The following DCC variants were observed in gnomAD, a reference collection of about 807,000 sequenced individuals.
DCC encodes DCC netrin 1 receptor.
A neutral mutation model predicts 172.5 loss-of-function variants in DCC; 58 were observed. The observed-to-expected ratio is 0.34, with a 90% CI of 0.27 to 0.42. The LOEUF is 0.42. Among genes scored for constraint, DCC ranks in the 10% least tolerant of loss-of-function variants. The probability of loss-of-function intolerance (pLI) is 1.00; values close to 1 mark genes in which losing one functional copy is unlikely to be tolerated. For missense variants in DCC, 1,740 were observed against 1,791.0 expected, an observed-to-expected ratio of 0.97 and a Z score of 0.51; for synonymous variants, 709 against 644.5, an observed-to-expected ratio of 1.10 and a Z score of -1.52.
intron 5 of DCC, among the ~76,000 whole-genome samples, chr18:52,936,489 G>T (rs2040383441): frequency 1.6e-5 from 2 of 121,502 alleles, no homozygotes; most frequent in South Asian, 4.6e-4. Flanking sequence ...AATAATGTGA[G>T]CATTGCTTTG....
intron 22 of DCC, among the ~76,000 whole-genome samples, chr18:53,444,853 T>A (rs1912501865): frequency 6.6e-6 from 1 of 152,214 alleles, no homozygotes; most frequent in Non-Finnish European, 1.5e-5. Flanking sequence ...TCATGATTTG[T>A]TGAACATCTA....
chr18:52,816,762 A>G (rs2038307093), intron 2 of DCC: 1 of 152,058 alleles, frequency 6.6e-6, no homozygotes, highest in African/African-American at 2.4e-5. Flanking sequence ...CCCCAAACTC[A>G]CTTATATTTC....
chr18:53,288,603 A>G (rs578241816), intron 12 of DCC, among the ~76,000 whole-genome samples: 2 of 152,262 alleles, frequency 1.3e-5, no homozygotes, highest in South Asian at 4.1e-4. Context: ...GCCCTAATGC[A>G]ATCAGTAATT....
At chr18:52,444,120 G>C (rs1988051678) in intron 1 of DCC, among the ~76,000 whole-genome samples, 1 of 152,206 alleles carries the variant, frequency 6.6e-6, no homozygotes, top group South Asian at 2.1e-4. Flanking sequence ...GGTAGGTGCT[G>C]GCTGCAGCCT....
chr18:52,421,053 C>G (rs1987230089), intron 1 of DCC, among the ~76,000 whole-genome samples: 1 of 152,108 alleles, frequency 6.6e-6, no homozygotes, highest in African/African-American at 2.4e-5. Flanking sequence ...AATAATGATT[C>G]TCTTCAGTGC....
intron 1 of DCC, among the ~76,000 whole-genome samples, chr18:52,575,598 A>T (rs780823711): frequency 6.6e-6 from 1 of 152,056 alleles, no homozygotes; most frequent in Non-Finnish European, 1.5e-5. Flanking sequence ...TTAGTTTCTT[A>T]GTTGTTTTTT....
intron 1 of DCC, among the ~76,000 whole-genome samples, chr18:52,604,824 G>A (rs1455575728): frequency 1.3e-5 from 2 of 151,962 alleles, no homozygotes; most frequent in African/African-American, 4.8e-5. Flanking sequence ...CTTGTGATAT[G>A]ATCTACACAG....
At chr18:53,169,497 T>G (rs543394014) in intron 8 of DCC, among the ~76,000 whole-genome samples, 21 of 152,298 alleles carry the variant, frequency 1.4e-4, no homozygotes, top group Non-Finnish European at 3.1e-4. Context: ...TTGATTCCTT[T>G]ACTTCAATCG....
At chr18:53,477,895 G>A (rs553081354) in intron 25 of DCC, among the ~76,000 whole-genome samples, 1 of 152,320 alleles carries the variant, frequency 6.6e-6, no homozygotes, top group Admixed American at 6.5e-5. Flanking sequence ...CCCCAGCCTA[G>A]TTACCCTTAC....
intron 2 of DCC, among the ~76,000 whole-genome samples, chr18:52,769,617 C>T (rs2037307680): frequency 6.6e-6 from 1 of 152,118 alleles, no homozygotes; most frequent in South Asian, 2.1e-4. Flanking sequence ...AGGATCATGC[C>T]TTTACATATT....
At chr18:53,119,292 G>T (rs2043449787) in intron 7 of DCC, among the ~76,000 whole-genome samples, 1 of 151,766 alleles carries the variant, frequency 6.6e-6, no homozygotes, top group Non-Finnish European at 1.5e-5. Flanking sequence ...TATCATCTTT[G>T]TTCTCTTTTC....
At chr18:52,747,710 G>A (rs997727741) in intron 1 of DCC, among the ~76,000 whole-genome samples, 4 of 152,184 alleles carry the variant, frequency 2.6e-5, no homozygotes, top group African/African-American at 9.7e-5. Flanking sequence ...CTTGGATGAA[G>A]TCATTTTATA....
At chr18:52,567,369 T>A (rs1144084) in intron 1 of DCC, among the ~76,000 whole-genome samples, 147,900 of 152,170 alleles carry the variant, frequency 0.97, 72,036 homozygotes, top group Middle Eastern at 1. Context: ...TTGTGTGAAA[T>A]TGATCAAAAT....
At chr18:52,554,616 CAG>C (rs141704860) in intron 1 of DCC, among the ~76,000 whole-genome samples, 131 of 152,086 alleles carry the variant, frequency 8.6e-4, no homozygotes, top group African/African-American at 3.0e-3. Context: ...AACAATAACA[CAG>C]AGCTAATGTG....
chr18:53,262,220 G>T (rs2056614964), intron 12 of DCC, among the ~76,000 whole-genome samples: 1 of 152,116 alleles, frequency 6.6e-6, no homozygotes, highest in Non-Finnish European at 1.5e-5. Flanking sequence ...ATCCTTCTGA[G>T]GCTATATCCC....
chr18:52,777,316 T>G (rs202242546), intron 2 of DCC, among the ~76,000 whole-genome samples: 1 of 151,738 alleles, frequency 6.6e-6, no homozygotes, highest in South Asian at 2.1e-4. Context: ...CTGAAGGCCA[T>G]GAGAACTCAG....
At chr18:53,492,543 C>T (rs1188524886) in intron 26 of DCC, among the ~76,000 whole-genome samples, 1 of 152,174 alleles carries the variant, frequency 6.6e-6, no homozygotes, top group Non-Finnish European at 1.5e-5. Context: ...GTTTTCCCAA[C>T]ACCATTTATT....
chr18:53,070,774 G>A (rs374858058), intron 7 of DCC, among the ~76,000 whole-genome samples: 41 of 152,256 alleles, frequency 2.7e-4, no homozygotes, highest in African/African-American at 9.6e-4. Flanking sequence ...ATCCGAAAGC[G>A]TGACAGGACA....
At position 53,410,400 on chromosome 18, in the gene DCC, G is replaced by A. The variant is rs1909909645; in HGVS notation, c.2936-52G>A. 5 of 1,126,864 alleles carry A rather than the reference G, an allele frequency of 4.4e-6. No homozygotes were observed. In the South Asian group the frequency reaches 5.0e-5, roughly 11 times the overall value. The allele number at this position is 1,126,864 out of a possible 1,614,324, so 69.8% of individuals were successfully genotyped here. A position where few individuals can be genotyped will look rare whatever the true frequency, so the allele number is the denominator to read the frequency against. On this transcript the variant is annotated intron_variant, in intron 19 of 28. Transcript: ENST00000442544. ...TGGGAAACCTGGGTGTTTGGAAGCA[G>A]AACTGCAGCGTGTAGGACACCAAAT...
Sources: gnomAD v4.1 joint callset for allele counts (sites outside exome capture counted in the v4.1 genomes callset) on GRCh38, gnomAD v4.1.1 for gene constraint, MANE v1.5 for transcripts, NCBI Gene and HGNC (gene_info 2026-07-23, HGNC 2026-07-21) for gene names.